Variants in TMEM38A observed in about 807,000 individuals in gnomAD.
The protein encoded by TMEM38A is trimeric intracellular cation channel type A.
In TMEM38A, 17 loss-of-function variants were observed where a neutral mutation model predicts 28.6. The ratio of observed to expected loss-of-function variants is 0.60; its 90% CI spans 0.41 to 0.89. The LOEUF (loss-of-function observed/expected upper bound fraction) is 0.89, where lower values mean the gene tolerates loss of function less well. Ranked by LOEUF, TMEM38A falls within the 40% of genes least tolerant of loss-of-function variation. TMEM38A has a pLI of 0.00. For missense variants in TMEM38A, 328 were observed against 393.1 expected, an observed-to-expected ratio of 0.83 and a Z score of 1.40; for synonymous variants, 169 against 166.1, an observed-to-expected ratio of 1.02 and a Z score of -0.14.
At chr19:16,671,951 C>T (rs1037936397) in intron 1 of TMEM38A, among the ~76,000 whole-genome samples, 3 of 152,186 alleles carry the variant, frequency 2.0e-5, no homozygotes, top group African/African-American at 7.2e-5. Flanking sequence ...GTGCCTCACC[C>T]GACCTGGCCT....
chr19:16,662,337 A>G (rs2086685485), intron 1 of TMEM38A, among the ~76,000 whole-genome samples: 1 of 152,066 alleles, frequency 6.6e-6, no homozygotes, highest in Non-Finnish European at 1.5e-5. Flanking sequence ...AGGGCAAAGG[A>G]AAAAAAGAGA....
At chr19:16,679,252 C>CGT (rs35543309) in intron 1 of TMEM38A, among the ~76,000 whole-genome samples, 10,638 of 128,256 alleles carry the variant, frequency 0.083, 545 homozygotes, top group Middle Eastern at 0.11. Flanking sequence ...TCTTTTGTTT[C>CGT]GTGTGTGTGT....
Position 16,688,260 on chromosome 19 carries a change from T to TG in TMEM38A, c.792dup (p.Ser265ValfsTer84). ...GTGACCATCACCACGACAACCATGG[T>TG]GGGTCCCACAGCGGTGGTGGGCCAG... On this transcript the variant is annotated frameshift_variant, in exon 6 of 6. Transcript: ENST00000187762. LOFTEE classifies it high-confidence loss of function. 9 of 1,604,616 alleles carry TG rather than the reference T, an allele frequency of 5.6e-6. No individual in the cohort carries two copies. Among genetic ancestry groups the TG allele is most frequent in the Non-Finnish European group, 7.7e-6 (9 of 1,175,286 alleles).
At chr19:16,676,126 C>T (rs1175379891) in intron 1 of TMEM38A, among the ~76,000 whole-genome samples, 2 of 133,414 alleles carry the variant, frequency 1.5e-5, no homozygotes, top group Admixed American at 1.4e-4. Flanking sequence ...TTTGTGAGGC[C>T]GAGGCAGGCG....
Position 16,688,752 on chromosome 19 carries a change from G to A in TMEM38A, c.*381G>A, listed in dbSNP as rs2122604296. The A allele has an allele frequency of 6.4e-6, 1 of 155,798 alleles. No homozygotes were observed. Among genetic ancestry groups the A allele is most frequent in the East Asian group, 1.9e-4 (1 of 5,358 alleles). The allele number at this position is 155,798 out of a possible 1,614,324, so 9.7% of individuals were successfully genotyped here. ...TCATGCCTATAATCCTAGCACTTTG[G>A]GAGGCCGAGGCGGGCAGATCACCTG... On this transcript the variant is annotated 3_prime_UTR_variant, in exon 6 of 6. Transcript: ENST00000187762.
intron 4 of TMEM38A, among the ~76,000 whole-genome samples, chr19:16,683,308 G>T (rs956397501): frequency 2.6e-5 from 4 of 152,102 alleles, no homozygotes; most frequent in African/African-American, 9.7e-5. Context: ...CTTGTTGGGG[G>T]CTGGGTGTGG....
intron 3 of TMEM38A, chr19:16,680,850 A>G: frequency 6.6e-6 from 3 of 454,532 alleles, no homozygotes. Context: ...CACTTGCAGC[A>G]CTACTGACAT....
At position 16,680,905 on chromosome 19, in the gene TMEM38A, A is replaced by C. The variant is rs934508903; in HGVS notation, c.466+324A>C. 6.1e-5 allele frequency: 18 copies of C among 296,442 alleles called. No individual in the cohort carries two copies. In the East Asian group the frequency reaches 1.0e-3, roughly 17 times the overall value. The allele number at this position is 296,442 out of a possible 1,614,324, so 18.4% of individuals were successfully genotyped here. On this transcript the variant is annotated intron_variant, in intron 3 of 5. Coordinates refer to ENST00000187762, the MANE Select transcript of TMEM38A (RefSeq NM_024074.4). Reference sequence around the variant, plus strand: ...TGTGGTGGGGGCTGCCTTGTGCACTATAGGATGTTGAACAGCACCCCTGGC... The same window carrying C: ...TGTGGTGGGGGCTGCCTTGTGCACTCTAGGATGTTGAACAGCACCCCTGGC...
rs3033525 is a variant in TMEM38A at position 16,689,003 on chromosome 19, C to CA, written c.*649dup. The CA allele has an allele frequency of 0.59, 83,896 of 142,320 alleles. 29,556 individuals carry two copies. The highest frequency in any genetic ancestry group is 0.79 in the Non-Finnish European group (51,575 of 65,460). The allele number at this position is 142,320 out of a possible 1,614,324, so 8.8% of individuals were successfully genotyped here. On this transcript the variant is annotated 3_prime_UTR_variant, in exon 6 of 6. Transcript: ENST00000187762. ...ACCTGTCTCCAGCAAGACCCTGTCT[C>CA]AAAAAAAAAAAAAAAAATTGCATAT...
intron 1 of TMEM38A, among the ~76,000 whole-genome samples, chr19:16,677,330 G>A (rs1401273920): frequency 6.6e-6 from 1 of 151,962 alleles, no homozygotes; most frequent in Non-Finnish European, 1.5e-5. Flanking sequence ...CTCAACTACA[G>A]ACTTTATATA....
chr19:16,662,281 G>C (rs2086685316), intron 1 of TMEM38A, among the ~76,000 whole-genome samples: 1 of 152,028 alleles, frequency 6.6e-6, no homozygotes, highest in Non-Finnish European at 1.5e-5. Flanking sequence ...TTTATTCTCA[G>C]AGGATAAAAA....
intron 2 of TMEM38A, 109 bp downstream of exon 2, chr19:16,680,249 A>G: frequency 1.3e-6 from 2 of 1,501,468 alleles, no homozygotes; most frequent in African/African-American, 1.4e-5. Context: ...AACAGCCCTC[A>G]TGATGGCCCT....
chr19:16,677,081 A>G (rs1166634041), intron 1 of TMEM38A, among the ~76,000 whole-genome samples: 4 of 151,436 alleles, frequency 2.6e-5, no homozygotes, highest in Admixed American at 6.6e-5. Context: ...AAAGAAAAAA[A>G]AAAAAAAAGC....
At chr19:16,665,155 G>T (rs1338547417) in intron 1 of TMEM38A, among the ~76,000 whole-genome samples, 1 of 152,064 alleles carries the variant, frequency 6.6e-6, no homozygotes, top group Non-Finnish European at 1.5e-5. Context: ...TTAGCCGGAC[G>T]TGGTGGCACA....
chr19:16,687,600 G>A (rs945583934), intron 5 of TMEM38A, among the ~76,000 whole-genome samples: 4 of 152,100 alleles, frequency 2.6e-5, no homozygotes, highest in African/African-American at 7.2e-5. Context: ...TAGCCTGGTC[G>A]GGTTCTGGTG....
chr19:16,688,293 G>A lies in TMEM38A; in HGVS notation c.822G>A (p.Gln274=), dbSNP rs539835284. The A allele has an allele frequency of 6.8e-6, 11 of 1,609,032 alleles. No individual in the cohort carries two copies. Among genetic ancestry groups the A allele is most frequent in the Middle Eastern group, 1.6e-4 (1 of 6,076 alleles). ...GSHSGGGPGA[Q]HSAMPAKSKE... ...ACAGCGGTGGTGGGCCAGGAGCTCAGCATTCGGCCATGCCCGCCAAGTCCA... is the reference window on the plus strand; with the variant it reads ...ACAGCGGTGGTGGGCCAGGAGCTCAACATTCGGCCATGCCCGCCAAGTCCA... Residue 274 remains glutamine, a synonymous_variant, in exon 6 of 6, where the codon CAG becomes CAA. Coordinates refer to ENST00000187762, the MANE Select transcript of TMEM38A (RefSeq NM_024074.4).
Position 16,661,141 on chromosome 19 carries a change from A to G in TMEM38A, c.-77A>G, listed in dbSNP as rs1599382536. 9.7e-7 allele frequency: 1 copy of G among 1,025,988 alleles called. No individual in the cohort carries two copies. The highest frequency in any genetic ancestry group is 1.2e-6 in the Non-Finnish European group (1 of 856,320). 63.6% of individuals were successfully genotyped at this position (1,025,988 alleles called of 1,614,324 possible). On this transcript the variant is annotated 5_prime_UTR_variant, in exon 1 of 6. Coordinates refer to ENST00000187762, the MANE Select transcript of TMEM38A (RefSeq NM_024074.4). The surrounding 1 kb of genome is among the most constrained non-coding windows in gnomAD (Gnocchi z 6.5). ...GGGGCGGGCCCAGCTGCGGGGGCGCAGTCGCCGGGCCGCGGGCGGCGGGAC... is the reference window on the plus strand; with the variant it reads ...GGGGCGGGCCCAGCTGCGGGGGCGCGGTCGCCGGGCCGCGGGCGGCGGGAC...
intron 1 of TMEM38A, among the ~76,000 whole-genome samples, chr19:16,679,458 G>A (rs2086770030): frequency 6.6e-6 from 1 of 151,982 alleles, no homozygotes; most frequent in African/African-American, 2.4e-5. Flanking sequence ...ACCGTTCCCG[G>A]CTAATTTTTG....
intron 1 of TMEM38A, among the ~76,000 whole-genome samples, chr19:16,670,729 A>C (rs1010569109): frequency 6.6e-6 from 1 of 152,092 alleles, no homozygotes; most frequent in African/African-American, 2.4e-5. Context: ...ACCTGAGGTC[A>C]GGAGTTTGAG....
Sources: allele counts gnomAD v4.1 joint callset (sites outside exome capture counted in the v4.1 genomes callset), GRCh38; gene constraint gnomAD v4.1.1; non-coding constraint Gnocchi (gnomAD v3.1); transcripts MANE v1.5; gene names NCBI Gene and HGNC (gene_info 2026-07-23, HGNC 2026-07-21).